PPP2R2B: variants seen among roughly 807,000 people sequenced by gnomAD.
The protein encoded by PPP2R2B is serine/threonine-protein phosphatase 2A 55 kDa regulatory subunit B beta isoform.
In PPP2R2B, 5 loss-of-function variants were observed where a neutral mutation model predicts 46.0. The observed-to-expected ratio is 0.11, with a 90% confidence interval of 0.06 to 0.23. PPP2R2B has a LOEUF of 0.23. Among genes scored for constraint, PPP2R2B ranks in the 10% least tolerant of loss-of-function variants. PPP2R2B has a pLI of 1.00. For missense variants in PPP2R2B, 367 were observed against 575.0 expected (o/e 0.64, Z 3.70); for synonymous variants, 215 against 206.7 (o/e 1.04, Z -0.34).
At chr5:147,028,755 A>AT (rs1405641230) in intron 1 of PPP2R2B, among the ~76,000 whole-genome samples, 1 of 152,188 alleles carries the variant, frequency 6.6e-6, no homozygotes, top group East Asian at 1.9e-4. Flanking sequence ...GGATTTACCC[A>AT]TTTTCCAAAG....
intron 2 of PPP2R2B, among the ~76,000 whole-genome samples, chr5:146,838,673 A>C (rs1305067110): frequency 6.6e-6 from 1 of 152,150 alleles, no homozygotes; most frequent in Non-Finnish European, 1.5e-5. Context: ...GATAGACTAG[A>C]CAGAAGAGTG....
chr5:146,662,475 T>G (rs1188400841), intron 5 of PPP2R2B, among the ~76,000 whole-genome samples: 1 of 152,188 alleles, frequency 6.6e-6, no homozygotes. Context: ...TGTTAAAAAC[T>G]GATGCCTGCC....
At chr5:146,908,078 A>G (rs920930740) in intron 1 of PPP2R2B, among the ~76,000 whole-genome samples, 1 of 152,212 alleles carries the variant, frequency 6.6e-6, no homozygotes, top group African/African-American at 2.4e-5. Flanking sequence ...CTTCTAAATC[A>G]AACTACATGA....
chr5:146,646,835 C>T (rs965809630), intron 6 of PPP2R2B, among the ~76,000 whole-genome samples: 1 of 152,098 alleles, frequency 6.6e-6, no homozygotes, highest in Non-Finnish European at 1.5e-5. Context: ...AGGCACTACC[C>T]TAAATGTGTG....
intron 1 of PPP2R2B, among the ~76,000 whole-genome samples, chr5:147,036,155 C>T (rs1433230574): frequency 1.3e-5 from 2 of 152,168 alleles, no homozygotes; most frequent in African/African-American, 2.4e-5. Flanking sequence ...TCCTGATGCT[C>T]TCCATCCTCC....
chr5:146,705,504 A>T (rs72652846), intron 2 of PPP2R2B, among the ~76,000 whole-genome samples: 2 of 152,086 alleles, frequency 1.3e-5, no homozygotes, highest in East Asian at 1.9e-4. Context: ...AGAGGCTTCT[A>T]GCTAGACTGG....
chr5:146,912,108 A>C (rs1763204656), intron 1 of PPP2R2B, among the ~76,000 whole-genome samples: 1 of 151,950 alleles, frequency 6.6e-6, no homozygotes, highest in Non-Finnish European at 1.5e-5. Context: ...GCATGGCGGC[A>C]TGTGCCTGTA....
At chr5:146,607,974 T>C (rs1772449837) in intron 7 of PPP2R2B, among the ~76,000 whole-genome samples, 1 of 152,258 alleles carries the variant, frequency 6.6e-6, no homozygotes, top group Non-Finnish European at 1.5e-5. Flanking sequence ...TTCAATTTTG[T>C]ATAATTTTTA....
At position 146,581,987 on chromosome 5, in the gene PPP2R2B, G is replaced by A. The variant is rs1233925100; in HGVS notation, c.*7960C>T. The A allele has an allele frequency of 2.0e-5, 3 of 152,230 alleles. No individual in the cohort carries two copies. The highest frequency in any genetic ancestry group is 4.4e-5 in the Non-Finnish European group (3 of 68,024). The allele number at this position is 152,230 out of a possible 1,614,324, so 9.4% of individuals were successfully genotyped here. On this transcript the variant is annotated 3_prime_UTR_variant, in exon 10 of 10. Coordinates refer to ENST00000394411, the MANE Select transcript of PPP2R2B (RefSeq NM_181675.4). ...TAGAATAAAATCCAGCATTCACTCA[G>A]CACACAGCCCCACTGACCCTATTGT...
intron 1 of PPP2R2B, among the ~76,000 whole-genome samples, chr5:146,966,794 A>G (rs1223722524): frequency 6.6e-6 from 1 of 152,136 alleles, no homozygotes; most frequent in Non-Finnish European, 1.5e-5. Context: ...GTTATTGTTT[A>G]TGGTTCCTAC....
At chr5:147,010,892 C>G (rs1338405980) in intron 1 of PPP2R2B, among the ~76,000 whole-genome samples, 2 of 152,180 alleles carry the variant, frequency 1.3e-5, no homozygotes, top group Non-Finnish European at 2.9e-5. Flanking sequence ...CATGGCCAGA[C>G]TCCCACCATT....
At chr5:146,647,300 A>G (rs950139051) in intron 6 of PPP2R2B, among the ~76,000 whole-genome samples, 1 of 152,224 alleles carries the variant, frequency 6.6e-6, no homozygotes, top group Non-Finnish European at 1.5e-5. Context: ...TTCTATCCTG[A>G]ACCATGTTTC....
intron 2 of PPP2R2B, among the ~76,000 whole-genome samples, chr5:146,729,024 T>C (rs1752058384): frequency 6.7e-6 from 1 of 150,118 alleles, no homozygotes; most frequent in Non-Finnish European, 1.5e-5. Flanking sequence ...TTGGAAAAGT[T>C]TGAAGGGCTC....
At position 146,698,125 on chromosome 5, in the gene PPP2R2B, C is replaced by T. The variant is rs775290828; in HGVS notation, c.188G>A (p.Arg63His). 6.9e-6 allele frequency: 11 copies of T among 1,595,378 alleles called. No homozygotes were observed. The highest frequency in any genetic ancestry group is 5.4e-5 in the Admixed American group (3 of 56,026). The change falls in exon 4 of 10, where the codon CGT (arginine) becomes CAT (histidine). Residue 63 changes from arginine (R) to histidine (H), a missense_variant. This residue lies in a region of PPP2R2B where 361 missense variants were observed against 545.5 expected (regional missense o/e 0.66). Transcript: ENST00000394411. ...REQESKNQVH[R>H]RGEYNVYSTF... is the part of the protein sequence containing the mutation. ...GCTGTAAACATTGTATTCACCCCTACGATGAACCTGATTTTTACTCTGTAG... is the reference window on the plus strand; with the variant it reads ...GCTGTAAACATTGTATTCACCCCTATGATGAACCTGATTTTTACTCTGTAG...
chr5:146,700,670 T>A (rs146262404), intron 3 of PPP2R2B, among the ~76,000 whole-genome samples: 121 of 152,302 alleles, frequency 7.9e-4, no homozygotes, highest in African/African-American at 2.7e-3. Flanking sequence ...TATGTTTTTT[T>A]CCTCCTGCAT....
chr5:146,647,764 C>G (rs1581786854), intron 6 of PPP2R2B, among the ~76,000 whole-genome samples: 1 of 152,176 alleles, frequency 6.6e-6, no homozygotes, highest in Non-Finnish European at 1.5e-5. Context: ...TGACAGCCAG[C>G]TGAGCCTGAG....
chr5:147,054,478 C>T, intron 1 of PPP2R2B: 1 of 289,138 alleles, frequency 3.5e-6, no homozygotes, highest in Non-Finnish European at 7.2e-6. Flanking sequence ...GGGAAATGTC[C>T]AACTGTAAAA....
chr5:146,944,153 T>C (rs2151831083), intron 1 of PPP2R2B, among the ~76,000 whole-genome samples: 1 of 152,324 alleles, frequency 6.6e-6, no homozygotes, highest in South Asian at 2.1e-4. Flanking sequence ...AGTAGTTCCA[T>C]AATGGTCTCA....
chr5:146,939,675 C>T (rs1248350010), intron 1 of PPP2R2B, among the ~76,000 whole-genome samples: 3 of 152,160 alleles, frequency 2.0e-5, no homozygotes, highest in Admixed American at 2.0e-4. Context: ...AATGGTCAAA[C>T]ATAGTATTCC....
Sources: gnomAD v4.1 joint callset for allele counts (sites outside exome capture counted in the v4.1 genomes callset) on GRCh38, gnomAD v4.1.1 for gene constraint, gnomAD v4.1.1 regional missense constraint, MANE v1.5 for transcripts, NCBI Gene and HGNC (gene_info 2026-07-23, HGNC 2026-07-21) for gene names.